The following PBX1 variants were observed in gnomAD, a reference collection of about 807,000 sequenced individuals.
PBX1 encodes the protein PBX homeobox 1.
Under a neutral mutation model 53.4 loss-of-function variants are expected in PBX1, and 6 were observed. The ratio of observed to expected loss-of-function variants is 0.11; its 90% confidence interval spans 0.06 to 0.22. The LOEUF is 0.22. Ranked by LOEUF, PBX1 falls within the 10% of genes least tolerant of loss-of-function variation. The probability of loss-of-function intolerance (pLI) is 1.00; values close to 1 mark genes in which losing one functional copy is unlikely to be tolerated. For synonymous variants in PBX1, 204 were observed against 212.3 expected, an observed-to-expected ratio of 0.96 and a Z score of 0.34; for missense variants, 251 against 551.4, an observed-to-expected ratio of 0.46 and a Z score of 5.46.
chr1:164,635,945 A>G (rs931858409), intron 2 of PBX1, among the ~76,000 whole-genome samples: 2 of 152,064 alleles, frequency 1.3e-5, no homozygotes, highest in African/African-American at 2.4e-5. Context: ...CATTTTCTTT[A>G]GACTTGGCTT....
chr1:164,832,089 A>G (rs533805972), intron 8 of PBX1, among the ~76,000 whole-genome samples: 2 of 152,344 alleles, frequency 1.3e-5, no homozygotes, highest in East Asian at 3.9e-4. Context: ...CCTCACTATT[A>G]CATTTTTCCT....
At chr1:164,716,265 GA>G (rs1664075249) in intron 2 of PBX1, among the ~76,000 whole-genome samples, 1 of 152,098 alleles carries the variant, frequency 6.6e-6, no homozygotes, top group South Asian at 2.1e-4. Context: ...TTCCTTCTGG[GA>G]TCTCAGAACC....
At chr1:164,669,885 G>A (rs1192237190) in intron 2 of PBX1, among the ~76,000 whole-genome samples, 1 of 152,138 alleles carries the variant, frequency 6.6e-6, no homozygotes, top group Admixed American at 6.5e-5. Flanking sequence ...TAGGTGCTCT[G>A]ATGTTGGGTG....
At chr1:164,863,314 G>A (rs1009712741) in intron 2 of PBX1, among the ~76,000 whole-genome samples, 12 of 152,180 alleles carry the variant, frequency 7.9e-5, no homozygotes, top group African/African-American at 2.9e-4. Context: ...GTGCTGAGGT[G>A]GGGGCTCAGT....
chr1:164,603,924 ATTTCATTTTTTT>A (rs1281420596), intron 2 of PBX1, among the ~76,000 whole-genome samples: 23 of 78,312 alleles, frequency 2.9e-4, no homozygotes, highest in South Asian at 2.4e-3. Context: ...ACATTATGTC[ATTTCATTTTTTT>A]TTTTTTTTTT....
intron 2 of PBX1, among the ~76,000 whole-genome samples, chr1:164,580,641 A>G (rs542603234): frequency 1.3e-5 from 2 of 151,550 alleles, no homozygotes; most frequent in Non-Finnish European, 2.9e-5. Flanking sequence ...CAATGATGCA[A>G]TCTTGGCTTA....
At chr1:164,671,341 G>T (rs1359938269) in intron 2 of PBX1, among the ~76,000 whole-genome samples, 1 of 152,118 alleles carries the variant, frequency 6.6e-6, no homozygotes, top group Non-Finnish European at 1.5e-5. Flanking sequence ...TCCAGTGTTG[G>T]TGGTAATGGT....
chr1:164,716,067 G>A (rs1046241483), intron 2 of PBX1, among the ~76,000 whole-genome samples: 1 of 152,176 alleles, frequency 6.6e-6, no homozygotes, highest in East Asian at 1.9e-4. Flanking sequence ...TCAGAAGCAC[G>A]TGACTGGCAT....
intron 8 of PBX1, among the ~76,000 whole-genome samples, chr1:164,843,824 C>T (rs1016079388): frequency 2.0e-5 from 3 of 152,042 alleles, no homozygotes; most frequent in African/African-American, 7.2e-5. Flanking sequence ...AAGAAGTCTC[C>T]CAGAACCTTC....
chr1:164,793,483 T>A (rs1247964078), intron 3 of PBX1, among the ~76,000 whole-genome samples: 1 of 152,110 alleles, frequency 6.6e-6, no homozygotes, highest in East Asian at 1.9e-4. Flanking sequence ...GTCACGGATG[T>A]GAAGGACCAT....
At chr1:164,590,559 C>T (rs1655302876) in intron 2 of PBX1, 1 of 440,330 alleles carries the variant, frequency 2.3e-6, no homozygotes, top group Admixed American at 2.4e-5. Flanking sequence ...TCTTACTTGG[C>T]ATTGTGACCA....
chr1:164,629,947 CTG>C (rs1261256455), intron 2 of PBX1, among the ~76,000 whole-genome samples: 3 of 152,082 alleles, frequency 2.0e-5, no homozygotes, highest in Admixed American at 6.6e-5. Flanking sequence ...AATATTTTGA[CTG>C]TTTCTCTTTT....
intron 2 of PBX1, among the ~76,000 whole-genome samples, chr1:164,650,306 G>A (rs963439536): frequency 1.3e-5 from 2 of 149,246 alleles, no homozygotes; most frequent in African/African-American, 2.5e-5. Context: ...TTGGCTTACT[G>A]CAGCCTCCGC....
chr1:164,820,408 G>A (rs2102364322), intron 7 of PBX1, among the ~76,000 whole-genome samples: 1 of 152,262 alleles, frequency 6.6e-6, no homozygotes, highest in Admixed American at 6.5e-5. Context: ...TTGGAAGGCA[G>A]GAGAAGAACA....
intron 2 of PBX1, among the ~76,000 whole-genome samples, chr1:164,880,824 C>T (rs892039068): frequency 5.9e-5 from 9 of 152,190 alleles, no homozygotes; most frequent in African/African-American, 2.2e-4. Flanking sequence ...AAGCTGGCTG[C>T]CATTCAGGTC....
chr1:164,672,720 A>G (rs1489344558), intron 2 of PBX1, among the ~76,000 whole-genome samples: 2 of 152,216 alleles, frequency 1.3e-5, no homozygotes, highest in African/African-American at 2.4e-5. Flanking sequence ...GTGCCTTTGC[A>G]TCATGTGTGT....
intron 2 of PBX1, among the ~76,000 whole-genome samples, chr1:164,681,511 C>T (rs1481882976): frequency 6.6e-6 from 1 of 152,156 alleles, no homozygotes; most frequent in African/African-American, 2.4e-5. Context: ...CTTAGAGATA[C>T]AACTGTTCAA....
chr1:164,567,793 G>A (rs1315965462), intron 2 of PBX1, among the ~76,000 whole-genome samples: 4 of 152,200 alleles, frequency 2.6e-5, no homozygotes, highest in African/African-American at 9.6e-5. Context: ...GAGAATTTGG[G>A]AAATTTTGGT....
intron 2 of PBX1, among the ~76,000 whole-genome samples, chr1:164,755,785 C>T (rs1264647866): frequency 6.6e-6 from 1 of 151,936 alleles, no homozygotes; most frequent in South Asian, 2.1e-4. Context: ...TTTCAATCGC[C>T]CATCATGGGA....
Sources: gnomAD v4.1 joint callset for allele counts (sites outside exome capture counted in the v4.1 genomes callset) on GRCh38, gnomAD v4.1.1 for gene constraint, MANE v1.5 for transcripts, NCBI Gene and HGNC (gene_info 2026-07-23, HGNC 2026-07-21) for gene names.